Variants in FBXW7 observed in about 807,000 individuals in gnomAD.
FBXW7 encodes F-box/WD repeat-containing protein 7.
A neutral mutation model predicts 86.3 loss-of-function variants in FBXW7; 11 were observed. That is an observed-to-expected ratio of 0.13 (90% CI 0.08 to 0.21). The LOEUF (loss-of-function observed/expected upper bound fraction) is 0.21, where lower values mean the gene tolerates loss of function less well. Ranked by LOEUF, FBXW7 falls within the 10% of genes least tolerant of loss-of-function variation. FBXW7 has a pLI of 1.00. For synonymous variants in FBXW7, 313 were observed against 297.9 expected (o/e 1.05, Z -0.52); for missense variants, 488 against 847.4 (o/e 0.58, Z 5.27).
chr4:152,423,585 A>G, intron 2 of FBXW7, among the ~76,000 whole-genome samples: 1 of 152,168 alleles, frequency 6.6e-6, no homozygotes, highest in East Asian at 1.9e-4. Flanking sequence ...ATCAGAGATA[A>G]ACCACATAAA....
At chr4:152,366,629 C>G (rs574626011) in intron 4 of FBXW7, among the ~76,000 whole-genome samples, 1 of 152,126 alleles carries the variant, frequency 6.6e-6, no homozygotes, top group East Asian at 1.9e-4. Context: ...AGTCAGGAAA[C>G]AACAGGTGCT....
At chr4:152,489,111 A>G (rs1030349159) in intron 2 of FBXW7, among the ~76,000 whole-genome samples, 3 of 152,110 alleles carry the variant, frequency 2.0e-5, no homozygotes, top group African/African-American at 4.8e-5. Flanking sequence ...GTATAGAAAC[A>G]CAGATGCATC....
intron 2 of FBXW7, among the ~76,000 whole-genome samples, chr4:152,445,753 C>CA (rs1331955451): frequency 2.0e-5 from 3 of 151,462 alleles, no homozygotes; most frequent in Non-Finnish European, 4.4e-5. Flanking sequence ...ATTAAACATA[C>CA]AAAAAAATTA....
chr4:152,352,495 C>T (rs771867980), intron 4 of FBXW7: 1 of 1,613,868 alleles, frequency 6.2e-7, no homozygotes, highest in East Asian at 2.2e-5. Flanking sequence ...TTTTAATGTG[C>T]CGTAGAAACC....
chr4:152,419,300 T>C (rs970242477), intron 2 of FBXW7, among the ~76,000 whole-genome samples: 3 of 152,164 alleles, frequency 2.0e-5, no homozygotes, highest in African/African-American at 7.2e-5. Context: ...TATAAGTTTA[T>C]AAAATTTATA....
intron 2 of FBXW7, among the ~76,000 whole-genome samples, chr4:152,495,368 G>A (rs1434227517): frequency 1.3e-5 from 2 of 152,016 alleles, no homozygotes; most frequent in Admixed American, 6.5e-5. Context: ...TTGAAACCGG[G>A]AGACAGAGGT....
chr4:152,338,072 CA>C (rs1166006374), intron 6 of FBXW7, 136 bp from the exon 7 acceptor site: 1 of 622,822 alleles, frequency 1.6e-6, no homozygotes, highest in Non-Finnish European at 2.4e-6. Flanking sequence ...CTTATAGTGA[CA>C]TTTTTTCCAC....
chr4:152,381,910 C>T (rs1410895975), intron 4 of FBXW7, among the ~76,000 whole-genome samples: 1 of 152,020 alleles, frequency 6.6e-6, no homozygotes, highest in East Asian at 1.9e-4. Flanking sequence ...CAACGTATTT[C>T]AAAACATACC....
At chr4:152,336,525 T>G (rs1248165770) in intron 7 of FBXW7, among the ~76,000 whole-genome samples, 1 of 152,012 alleles carries the variant, frequency 6.6e-6, no homozygotes, top group Non-Finnish European at 1.5e-5. Context: ...ACAGAGAATA[T>G]ATCAAAGGTG....
Position 152,321,206 on chromosome 4 carries a change from C to G in FBXW7, c.*1675G>C, listed in dbSNP as rs1728531720. ...GCTTATTTAAATATTATAGACAAAT[C>G]CTAAATACTTATAATGAAGGATTAT... On this transcript the variant is annotated 3_prime_UTR_variant, in exon 14 of 14. Coordinates refer to ENST00000281708, the MANE Select transcript of FBXW7 (RefSeq NM_001349798.2). 4.5e-6 allele frequency: 1 copy of G among 221,482 alleles called. No individual in the cohort carries two copies. Among genetic ancestry groups the G allele is most frequent in the Non-Finnish European group, 9.0e-6 (1 of 110,824 alleles). The allele number at this position is 221,482 out of a possible 1,614,324, so 13.7% of individuals were successfully genotyped here.
At chr4:152,335,897 T>C (rs2126569631) in intron 7 of FBXW7, among the ~76,000 whole-genome samples, 1 of 152,330 alleles carries the variant, frequency 6.6e-6, no homozygotes, top group African/African-American at 2.4e-5. Context: ...ATGCTATTCA[T>C]CACAAGCCTC....
Position 152,332,630 on chromosome 4 carries a change from G to A in FBXW7, c.951C>T (p.Asp317=). The A allele has an allele frequency of 6.2e-7, 1 of 1,606,574 alleles. No homozygotes were observed. The highest frequency in any genetic ancestry group is 8.5e-7 in the Non-Finnish European group (1 of 1,175,252). The change falls in exon 8 of 14, where the codon GAC becomes GAT. Residue 317 remains aspartate (D), a synonymous_variant. Transcript: ENST00000281708. ...TCRYWRILAE[D]NLLWREKCKE... is the part of the protein sequence containing the mutation. ...TGCATTTCTCTCTCCAGAGAAGGTT[G>A]TCTTCAGCCAAAATTCTCCAGTAGC...
At chr4:152,488,454 A>C (rs1297305931) in intron 2 of FBXW7, among the ~76,000 whole-genome samples, 2 of 152,098 alleles carry the variant, frequency 1.3e-5, no homozygotes, top group Non-Finnish European at 2.9e-5. Context: ...GCCTAGGCCA[A>C]TAAAGCGATT....
chr4:152,333,453 CAAAT>C (rs1295728592), intron 7 of FBXW7, among the ~76,000 whole-genome samples: 2 of 145,806 alleles, frequency 1.4e-5, no homozygotes, highest in Non-Finnish European at 3.0e-5. Flanking sequence ...TGTGTCAGTT[CAAAT>C]AAATAAAAAG....
intron 2 of FBXW7, among the ~76,000 whole-genome samples, chr4:152,527,385 T>G (rs1292657793): frequency 6.6e-6 from 1 of 152,242 alleles, no homozygotes; most frequent in African/African-American, 2.4e-5. Context: ...AAGCAACTCC[T>G]TCTCAGACCT....
chr4:152,382,277 CT>C, intron 4 of FBXW7: 1 of 1,603,422 alleles, frequency 6.2e-7, no homozygotes, highest in Admixed American at 1.7e-5. Flanking sequence ...CTCTTTTGCA[CT>C]TTTAAGATCA....
intron 2 of FBXW7, among the ~76,000 whole-genome samples, chr4:152,435,489 T>C (rs1259592922): frequency 6.6e-6 from 1 of 152,220 alleles, no homozygotes; most frequent in Non-Finnish European, 1.5e-5. Flanking sequence ...ATCTTCACTT[T>C]CAACCTTTCT....
intron 2 of FBXW7, among the ~76,000 whole-genome samples, chr4:152,488,289 C>CTG (rs924255917): frequency 6.6e-6 from 1 of 151,978 alleles, no homozygotes; most frequent in African/African-American, 2.4e-5. Context: ...AGTTCTTCAT[C>CTG]ATGTTCCTTA....
Position 152,434,343 on chromosome 4 carries a change from G to T in FBXW7, c.-119-21814C>A, listed in dbSNP as rs1740185664. Among the ~76,000 whole-genome samples the T allele has an allele frequency of 2.6e-5, 4 of 152,190 alleles. No individual in the cohort carries two copies. In the South Asian group the frequency reaches 8.3e-4, roughly 32 times the overall value. Reference sequence around the variant, plus strand: ...ATGTGGTACCAATTAACATCAAAAAGAAGTAATAAAGTAGAAGTAGTTTTT... The same window carrying T: ...ATGTGGTACCAATTAACATCAAAAATAAGTAATAAAGTAGAAGTAGTTTTT... On this transcript the variant is annotated intron_variant, in intron 2 of 13. Transcript: ENST00000281708.
Sources: gnomAD v4.1 joint callset for allele counts (sites outside exome capture counted in the v4.1 genomes callset) on GRCh38, gnomAD v4.1.1 for gene constraint, MANE v1.5 for transcripts, NCBI Gene and HGNC (gene_info 2026-07-23, HGNC 2026-07-21) for gene names.